B3GALT1: variants seen among roughly 807,000 people sequenced by gnomAD.
The protein encoded by B3GALT1 is beta-1,3-galactosyltransferase 1, also known as UDP-Gal:betaGlcNAc beta 1,3-galactosyltransferase, polypeptide 1.
B3GALT1 carries 10 observed loss-of-function variants against 23.2 expected under a neutral mutation model. The ratio of observed to expected loss-of-function variants is 0.43; its 90% CI spans 0.27 to 0.73. The LOEUF (loss-of-function observed/expected upper bound fraction) is 0.73, where lower values mean the gene tolerates loss of function less well. B3GALT1 is among the 30% of genes least tolerant of loss of function. B3GALT1 has a pLI of 0.21. For synonymous variants in B3GALT1, 156 were observed against 141.5 expected, an observed-to-expected ratio of 1.10 and a Z score of -0.73; for missense variants, 299 against 405.4, an observed-to-expected ratio of 0.74 and a Z score of 2.25.
intron 3 of B3GALT1, among the ~76,000 whole-genome samples, chr2:167,695,994 G>C (rs1686786389): frequency 1.3e-5 from 2 of 152,018 alleles, no homozygotes; most frequent in Admixed American, 1.3e-4. Flanking sequence ...TATTTCACTG[G>C]CTAGAATGCA....
chr2:167,756,521 T>C (rs1229130897), intron 3 of B3GALT1, among the ~76,000 whole-genome samples: 5 of 152,232 alleles, frequency 3.3e-5, no homozygotes, highest in African/African-American at 1.2e-4. Flanking sequence ...ACTGTTCTAT[T>C]ATGATATTCA....
intron 2 of B3GALT1, among the ~76,000 whole-genome samples, chr2:167,588,547 G>T (rs960144053): frequency 6.6e-6 from 1 of 151,800 alleles, no homozygotes; most frequent in African/African-American, 2.4e-5. Context: ...ACGAACAATG[G>T]TTATTATTTT....
At chr2:167,377,038 T>G in intron 1 of B3GALT1, among the ~76,000 whole-genome samples, 1 of 152,086 alleles carries the variant, frequency 6.6e-6, no homozygotes, top group East Asian at 1.9e-4. Flanking sequence ...CAAAATGTTG[T>G]GTCTCTGTTT....
At chr2:167,590,267 A>AC (rs989024669) in intron 2 of B3GALT1, among the ~76,000 whole-genome samples, 2 of 149,372 alleles carry the variant, frequency 1.3e-5, no homozygotes, top group Admixed American at 6.7e-5. Flanking sequence ...AATGGTGTGA[A>AC]CCCGGGAGGC....
chr2:167,391,378 A>G (rs1047570175), intron 1 of B3GALT1, among the ~76,000 whole-genome samples: 32 of 152,230 alleles, frequency 2.1e-4, no homozygotes, highest in African/African-American at 2.9e-4. Flanking sequence ...AAGCTTTCAC[A>G]TAACAGTTTC....
rs1690379957 is a variant in B3GALT1 at position 167,872,871 on chromosome 2, T to C, written c.*2851T>C. The C allele has an allele frequency of 6.6e-6, 1 of 152,210 alleles. No individual in the cohort carries two copies. The highest frequency in any genetic ancestry group is 1.5e-5 in the Non-Finnish European group (1 of 68,040). The allele number at this position is 152,210 out of a possible 1,614,324, so 9.4% of individuals were successfully genotyped here. On this transcript the variant is annotated 3_prime_UTR_variant, in exon 5 of 5. Transcript: ENST00000392690. ...TCTTCTCCCCAACTGTATGTATAGC[T>C]AGAATCTGCTTGCTGTGTAACCTTT... is the stretch of plus-strand genomic sequence containing the variant.
At chr2:167,716,440 C>T (rs1574228149) in intron 3 of B3GALT1, among the ~76,000 whole-genome samples, 1 of 152,206 alleles carries the variant, frequency 6.6e-6, no homozygotes, top group Non-Finnish European at 1.5e-5. Flanking sequence ...TATAATCTCT[C>T]TGTTTCTGGT....
At chr2:167,509,479 A>G (rs147776050) in intron 2 of B3GALT1, among the ~76,000 whole-genome samples, 1 of 152,272 alleles carries the variant, frequency 6.6e-6, no homozygotes, top group African/African-American at 2.4e-5. Flanking sequence ...TAGGTATTTT[A>G]AAGGGTGATA....
At chr2:167,677,987 A>G (rs932344355) in intron 3 of B3GALT1, among the ~76,000 whole-genome samples, 1 of 152,182 alleles carries the variant, frequency 6.6e-6, no homozygotes, top group Non-Finnish European at 1.5e-5. Context: ...CCATGATCTA[A>G]TCACCTTCCA....
chr2:167,654,011 C>A (rs2105466477), intron 3 of B3GALT1, among the ~76,000 whole-genome samples: 1 of 152,258 alleles, frequency 6.6e-6, no homozygotes, highest in Non-Finnish European at 1.5e-5. Flanking sequence ...CAGGAGATGC[C>A]AACCTGGCTA....
intron 1 of B3GALT1, among the ~76,000 whole-genome samples, chr2:167,307,290 CTCTT>C (rs1696566001): frequency 6.6e-6 from 1 of 151,994 alleles, no homozygotes; most frequent in Non-Finnish European, 1.5e-5. Context: ...AACATTATCT[CTCTT>C]TATTGAAATG....
At chr2:167,600,727 T>A (rs80150579) in intron 2 of B3GALT1, among the ~76,000 whole-genome samples, 1 of 152,372 alleles carries the variant, frequency 6.6e-6, no homozygotes, top group African/African-American at 2.4e-5. Flanking sequence ...GCATGCCTTT[T>A]CATGGCTGAA....
rs1699071474 is a variant in B3GALT1 at position 167,450,440 on chromosome 2, C to T, written c.-510-39737C>T. Among the ~76,000 whole-genome samples, 3 of 152,084 alleles carry T rather than the reference C, an allele frequency of 2.0e-5. No homozygotes were observed. In the South Asian group the frequency reaches 6.2e-4, roughly 31 times the overall value. On this transcript the variant is annotated intron_variant, in intron 1 of 4. Coordinates refer to ENST00000392690, the MANE Select transcript of B3GALT1 (RefSeq NM_020981.4). ...TTGTCTGAAAAAGACTGTGTCTTTC[C>T]TTCATTTATGAAGCTTAGTTTTTGC... is the stretch of plus-strand genomic sequence containing the variant.
At chr2:167,616,554 T>C (rs1188326128) in intron 2 of B3GALT1, among the ~76,000 whole-genome samples, 1 of 151,762 alleles carries the variant, frequency 6.6e-6, no homozygotes, top group Non-Finnish European at 1.5e-5. Flanking sequence ...ACACAAAAAT[T>C]AGCTGGGTGT....
chr2:167,494,663 G>T (rs564147115), intron 2 of B3GALT1, among the ~76,000 whole-genome samples: 2 of 152,068 alleles, frequency 1.3e-5, no homozygotes, highest in Non-Finnish European at 2.9e-5. Context: ...TTAAAATCTA[G>T]ATGAGGCAAA....
intron 2 of B3GALT1, among the ~76,000 whole-genome samples, chr2:167,639,529 A>T (rs1685616780): frequency 6.6e-6 from 1 of 152,064 alleles, no homozygotes; most frequent in East Asian, 1.9e-4. Context: ...TTCATAGTAA[A>T]TTTTTTAGTA....
At chr2:167,299,911 A>C (rs996668617) in intron 1 of B3GALT1, among the ~76,000 whole-genome samples, 5 of 150,780 alleles carry the variant, frequency 3.3e-5, no homozygotes, top group East Asian at 1.9e-4. Flanking sequence ...TTATTTCTTT[A>C]TTTATTTTGA....
At chr2:167,716,021 G>A in intron 3 of B3GALT1, 1 of 1,610,358 alleles carries the variant, frequency 6.2e-7, no homozygotes, top group Non-Finnish European at 8.5e-7. Context: ...GCTCCTCCAG[G>A]ACCAGCCCCA....
At position 167,769,694 on chromosome 2, in the gene B3GALT1, T is replaced by C. The variant is rs143854326; in HGVS notation, c.-351-48978T>C. ...TCTTTTGAGTCTGGCTTCTTTTGCC[T>C]AGCTTAATGTATTTGAGATTAACCC... is the stretch of plus-strand genomic sequence containing the variant. On this transcript the variant is annotated intron_variant, in intron 3 of 4. Coordinates refer to ENST00000392690, the MANE Select transcript of B3GALT1 (RefSeq NM_020981.4). Among the ~76,000 whole-genome samples, 760 of 152,304 alleles carry C rather than the reference T, an allele frequency of 5.0e-3. 5 individuals carry two copies. Among genetic ancestry groups the C allele is most frequent in the African/African-American group, 0.017 (715 of 41,572 alleles).
Sources: allele counts gnomAD v4.1 joint callset (sites outside exome capture counted in the v4.1 genomes callset), GRCh38; gene constraint gnomAD v4.1.1; transcripts MANE v1.5; gene names NCBI Gene and HGNC (gene_info 2026-07-23, HGNC 2026-07-21).